C12orf42: variants seen among roughly 807,000 people sequenced by gnomAD.
C12orf42 encodes the protein uncharacterized protein C12orf42.
In C12orf42, 25 loss-of-function variants were observed where a neutral mutation model predicts 21.6. The observed-to-expected ratio is 1.16, with a 90% CI of 0.84 to 1.62. The LOEUF (loss-of-function observed/expected upper bound fraction) is 1.62. C12orf42 is among the 40% of genes most tolerant of loss of function. C12orf42 has a pLI of 0.00. For synonymous variants in C12orf42, 174 were observed against 175.0 expected, an observed-to-expected ratio of 0.99 and a Z score of 0.05; for missense variants, 483 against 459.3, an observed-to-expected ratio of 1.05 and a Z score of -0.47.
At chr12:103,226,283 A>G in the C12orf42 span, among the ~76,000 whole-genome samples, 1,988 of 152,262 alleles carry the variant, frequency 0.013, 16 homozygotes, top group South Asian at 0.025. Flanking sequence ...CTGTTATTGT[A>G]CACCTTGAAG....
At chr12:103,366,335 A>T (rs922811401) in intron 4 of C12orf42, among the ~76,000 whole-genome samples, 1 of 152,134 alleles carries the variant, frequency 6.6e-6, no homozygotes, top group Non-Finnish European at 1.5e-5. Flanking sequence ...AAGGAGTTAA[A>T]TCTAAGACCC....
chr12:103,191,717 T>A, the C12orf42 span, among the ~76,000 whole-genome samples: 14 of 147,178 alleles, frequency 9.5e-5, no homozygotes, highest in Non-Finnish European at 1.6e-4. Flanking sequence ...TACCCCAGCT[T>A]GTGCAACAGA....
chr12:103,534,047 A>G, the C12orf42 span, among the ~76,000 whole-genome samples: 4 of 152,250 alleles, frequency 2.6e-5, no homozygotes, highest in Admixed American at 2.6e-4. Context: ...TTAGGCATAC[A>G]GTGAGTGCTC....
At chr12:103,089,021 G>T in the C12orf42 span, among the ~76,000 whole-genome samples, 73 of 141,680 alleles carry the variant, frequency 5.2e-4, no homozygotes, top group African/African-American at 1.9e-3. Flanking sequence ...AGAAAGGCGT[G>T]AACCCGGGAG....
chr12:103,151,819 C>A, the C12orf42 span: 2 of 152,146 alleles, frequency 1.3e-5, no homozygotes, highest in East Asian at 1.9e-4. Context: ...AAGCTCTGTA[C>A]AATTCTCTCT....
chr12:103,223,300 G>A, the C12orf42 span, among the ~76,000 whole-genome samples: 11 of 152,058 alleles, frequency 7.2e-5, no homozygotes, highest in South Asian at 2.1e-4. Flanking sequence ...GCTGAAGGGA[G>A]GTCTTGTGGT....
At chr12:103,507,238 TA>T in the C12orf42 span, among the ~76,000 whole-genome samples, 1 of 61,452 alleles carries the variant, frequency 1.6e-5, no homozygotes, top group African/African-American at 8.7e-5. Context: ...AATATATATA[TA>T]TTATATATAA....
At chr12:103,197,103 A>G in the C12orf42 span, among the ~76,000 whole-genome samples, 1 of 152,172 alleles carries the variant, frequency 6.6e-6, no homozygotes, top group East Asian at 1.9e-4. Flanking sequence ...TTTCTAAGGA[A>G]GGTCTGGTGG....
At chr12:103,049,132 C>T in the C12orf42 span, among the ~76,000 whole-genome samples, 2 of 152,226 alleles carry the variant, frequency 1.3e-5, no homozygotes, top group African/African-American at 4.8e-5. Context: ...AGCTACACTC[C>T]AGTAGCCATT....
the C12orf42 span, among the ~76,000 whole-genome samples, chr12:103,118,722 C>G: frequency 2.9e-5 from 4 of 137,762 alleles, no homozygotes; most frequent in East Asian, 8.3e-4. Context: ...GGTGTGAGCC[C>G]GGAAGGCAGA....
At chr12:103,552,197 C>T in the C12orf42 span, among the ~76,000 whole-genome samples, 5 of 152,238 alleles carry the variant, frequency 3.3e-5, no homozygotes, top group East Asian at 5.8e-4. Context: ...ATTAGGTTTG[C>T]TCATTTAAAT....
the C12orf42 span, among the ~76,000 whole-genome samples, chr12:103,550,858 C>G: frequency 6.6e-6 from 1 of 152,014 alleles, no homozygotes; most frequent in Non-Finnish European, 1.5e-5. Context: ...TTAATTTACA[C>G]ATTATGGATA....
the C12orf42 span, among the ~76,000 whole-genome samples, chr12:103,182,997 C>T: frequency 6.6e-6 from 1 of 152,188 alleles, no homozygotes; most frequent in Non-Finnish European, 1.5e-5. Context: ...TACAAGGGTG[C>T]CCTTTTATAA....
At position 103,403,030 on chromosome 12, in the gene C12orf42, C is replaced by T. The variant is rs188225003; in HGVS notation, c.79-1355G>A. On this transcript the variant is annotated intron_variant, in intron 2 of 5. Coordinates refer to ENST00000548883, the MANE Select transcript of C12orf42 (RefSeq NM_198521.5). ...GAAAATGTGTCTTCTACCTAGTATC[C>T]CTGACATCAACTCTGCGCTGGGCAC... is the stretch of plus-strand genomic sequence containing the variant. Among the ~76,000 whole-genome samples, 24 of 152,214 alleles carry T rather than the reference C, an allele frequency of 1.6e-4. No individual in the cohort carries two copies. In the East Asian group the frequency reaches 1.9e-3, roughly 12 times the overall value.
Position 103,353,860 on chromosome 12 carries a change from C to A in C12orf42, c.259+15027G>T, listed in dbSNP as rs115680837. 4.7e-3 allele frequency among the ~76,000 whole-genome samples: 714 copies of A among 152,248 alleles called. 6 individuals carry two copies. Among genetic ancestry groups the A allele is most frequent in the African/African-American group, 0.016 (682 of 41,552 alleles). ...GGTGAGCAACCTGAAAGAGTCCTGT[C>A]GGCATCTGAAAGGTTTCTCACAAGC... On this transcript the variant is annotated intron_variant, in intron 4 of 5. Coordinates refer to ENST00000548883, the MANE Select transcript of C12orf42 (RefSeq NM_198521.5).
chr12:103,116,717 C>A, the C12orf42 span, among the ~76,000 whole-genome samples: 4 of 152,156 alleles, frequency 2.6e-5, no homozygotes, highest in Admixed American at 2.6e-4. Flanking sequence ...CTCGTCCTCA[C>A]TGAGTCTCAT....
chr12:103,526,025 C>CA, the C12orf42 span, among the ~76,000 whole-genome samples: 111 of 151,794 alleles, frequency 7.3e-4, no homozygotes, highest in East Asian at 1.9e-3. Context: ...AGTTCTGTCT[C>CA]AAAAAAAACA....
At chr12:103,104,035 T>A in the C12orf42 span, among the ~76,000 whole-genome samples, 1 of 152,288 alleles carries the variant, frequency 6.6e-6, no homozygotes, top group South Asian at 2.1e-4. Flanking sequence ...TTTATTTAAA[T>A]CTTATGACAG....
the C12orf42 span, among the ~76,000 whole-genome samples, chr12:103,556,320 T>C: frequency 6.6e-6 from 1 of 152,236 alleles, no homozygotes; most frequent in African/African-American, 2.4e-5. Context: ...ATTTTGTTAT[T>C]TCTGCCAAGC....
Sources: allele counts gnomAD v4.1 joint callset (sites outside exome capture counted in the v4.1 genomes callset), GRCh38; gene constraint gnomAD v4.1.1; transcripts MANE v1.5; gene names NCBI Gene and HGNC (gene_info 2026-07-23, HGNC 2026-07-21).